Variants in CSMD1 observed in about 807,000 individuals in gnomAD.
The protein encoded by CSMD1 is CUB and Sushi multiple domains 1, also known as CUB and sushi domain-containing protein 1.
CSMD1 carries 213 observed loss-of-function variants against 417.5 expected under a neutral mutation model. The observed-to-expected ratio is 0.51, with a 90% CI of 0.46 to 0.57. The LOEUF (loss-of-function observed/expected upper bound fraction) is 0.57, where lower values mean the gene tolerates loss of function less well. CSMD1 is among the 20% of genes least tolerant of loss of function. The pLI is 0.00. For missense variants in CSMD1, 6,923 were observed against 4,529.7 expected (o/e 1.53, Z -15.17); for synonymous variants, 2,862 against 1,736.8 (o/e 1.65, Z -16.11).
intron 5 of CSMD1, among the ~76,000 whole-genome samples, chr8:3,887,172 C>T (rs192826228): frequency 2.0e-4 from 31 of 152,218 alleles, no homozygotes; most frequent in African/African-American, 7.5e-4. Flanking sequence ...GGTATTCCAG[C>T]TGCTGAAGTG....
intron 1 of CSMD1, among the ~76,000 whole-genome samples, chr8:4,924,590 C>T (rs1181215144): frequency 1.3e-5 from 2 of 151,860 alleles, no homozygotes; most frequent in Non-Finnish European, 2.9e-5. Context: ...GGTGTGGTGG[C>T]CCGTGCCTGT....
intron 2 of CSMD1, among the ~76,000 whole-genome samples, chr8:4,563,840 C>G (rs1798461359): frequency 6.6e-6 from 1 of 152,124 alleles, no homozygotes; most frequent in East Asian, 1.9e-4. Context: ...ATAAGAATAT[C>G]TAGGATATCT....
At chr8:3,926,051 T>TACAC (rs752699683) in intron 5 of CSMD1, among the ~76,000 whole-genome samples, 1 of 76,614 alleles carries the variant, frequency 1.3e-5, no homozygotes, top group Non-Finnish European at 2.4e-5. Flanking sequence ...ACAAACACCA[T>TACAC]ATACACACAC....
At chr8:4,661,934 T>A (rs1230527673) in intron 1 of CSMD1, among the ~76,000 whole-genome samples, 2 of 152,198 alleles carry the variant, frequency 1.3e-5, no homozygotes, top group Non-Finnish European at 2.9e-5. Context: ...AATAGGATTA[T>A]ATTGACAGTT....
chr8:4,940,798 A>G (rs1352164282), intron 1 of CSMD1, among the ~76,000 whole-genome samples: 1 of 152,208 alleles, frequency 6.6e-6, no homozygotes, highest in East Asian at 1.9e-4. Flanking sequence ...ATTTTAAATC[A>G]TAATCTCTGT....
chr8:3,155,196 T>A (rs1819440545), intron 39 of CSMD1, among the ~76,000 whole-genome samples: 5 of 152,020 alleles, frequency 3.3e-5, no homozygotes, highest in Admixed American at 2.0e-4. Flanking sequence ...CTGCTTAGAA[T>A]TGATTTCATT....
At chr8:3,559,487 G>A (rs78324957) in intron 10 of CSMD1, among the ~76,000 whole-genome samples, 25,723 of 150,662 alleles carry the variant, frequency 0.17, 2,441 homozygotes, top group Middle Eastern at 0.22. Context: ...AAATTTAAAG[G>A]CACCGTGAAG....
chr8:3,280,848 T>G (rs942190733), intron 26 of CSMD1, among the ~76,000 whole-genome samples: 4 of 152,100 alleles, frequency 2.6e-5, no homozygotes, highest in Non-Finnish European at 5.9e-5. Context: ...ATAAAGGGTC[T>G]TCTTCTTTTT....
intron 3 of CSMD1, among the ~76,000 whole-genome samples, chr8:4,270,942 G>A (rs924048292): frequency 6.6e-6 from 1 of 152,192 alleles, no homozygotes; most frequent in Admixed American, 6.5e-5. Context: ...CCCCTAGAGA[G>A]AGAGGGAGCA....
At chr8:4,468,265 A>G (rs887653438) in intron 2 of CSMD1, among the ~76,000 whole-genome samples, 1 of 152,056 alleles carries the variant, frequency 6.6e-6, no homozygotes, top group Non-Finnish European at 1.5e-5. Flanking sequence ...GAGACTCCTG[A>G]CCCCACCTTC....
intron 1 of CSMD1, among the ~76,000 whole-genome samples, chr8:4,885,292 CTTCTT>C (rs1192589972): frequency 3.9e-5 from 6 of 151,936 alleles, no homozygotes; most frequent in Admixed American, 3.9e-4. Flanking sequence ...GATAGTTTTC[CTTCTT>C]TTTTTTATTA....
At chr8:3,494,577 TA>T (rs1796284490) in intron 10 of CSMD1, among the ~76,000 whole-genome samples, 1 of 149,574 alleles carries the variant, frequency 6.7e-6, no homozygotes, top group Non-Finnish European at 1.5e-5. Context: ...GATAGATAGA[TA>T]GATAGATAGA....
intron 50 of CSMD1, among the ~76,000 whole-genome samples, chr8:3,035,290 A>T (rs1406081600): frequency 6.6e-6 from 1 of 152,094 alleles, no homozygotes; most frequent in Non-Finnish European, 1.5e-5. Context: ...CACATTGTGT[A>T]TGTAATTGTA....
At chr8:4,064,472 C>T (rs1466722061) in intron 3 of CSMD1, among the ~76,000 whole-genome samples, 2 of 152,210 alleles carry the variant, frequency 1.3e-5, no homozygotes, top group African/African-American at 2.4e-5. Flanking sequence ...AAAACTGTAG[C>T]TGTCTAGAGC....
intron 49 of CSMD1, among the ~76,000 whole-genome samples, chr8:3,061,872 A>G (rs776982319): frequency 4.6e-5 from 7 of 152,216 alleles, no homozygotes; most frequent in Non-Finnish European, 1.0e-4. Flanking sequence ...AGTGGGCATT[A>G]GAACATTATG....
chr8:4,003,323 G>C (rs900753651), intron 4 of CSMD1, among the ~76,000 whole-genome samples: 15 of 152,100 alleles, frequency 9.9e-5, no homozygotes, highest in African/African-American at 3.4e-4. Context: ...AACCTGGGAG[G>C]TGGAGCTTGC....
At chr8:4,992,295 C>A (rs2117484942) in intron 1 of CSMD1, among the ~76,000 whole-genome samples, 1 of 152,310 alleles carries the variant, frequency 6.6e-6, no homozygotes, top group East Asian at 1.9e-4. Context: ...CCGCCCGGCA[C>A]ACACGTGTGC....
chr8:4,179,803 T>A (rs866941297), intron 3 of CSMD1, among the ~76,000 whole-genome samples: 3 of 152,122 alleles, frequency 2.0e-5, no homozygotes, highest in Non-Finnish European at 1.5e-5. Context: ...AAGACATTTA[T>A]GCAGCCAAAA....
chr8:3,969,449 T>C (rs746951722), intron 5 of CSMD1, among the ~76,000 whole-genome samples: 1 of 152,160 alleles, frequency 6.6e-6, no homozygotes, highest in Non-Finnish European at 1.5e-5. Flanking sequence ...TCATGGTCAC[T>C]AGTGTTGTTT....
Sources: allele counts gnomAD v4.1 joint callset (sites outside exome capture counted in the v4.1 genomes callset), GRCh38; gene constraint gnomAD v4.1.1; transcripts MANE v1.5; gene names NCBI Gene and HGNC (gene_info 2026-07-23, HGNC 2026-07-21).